ENPP1: variants seen among roughly 807,000 people sequenced by gnomAD.
ENPP1 encodes the protein ectonucleotide pyrophosphatase/phosphodiesterase 1.
In ENPP1, 73 loss-of-function variants were observed where a neutral mutation model predicts 122.8. The ratio of observed to expected loss-of-function variants is 0.59; its 90% CI spans 0.49 to 0.72. The LOEUF is 0.72. Ranked by LOEUF, ENPP1 falls within the 30% of genes least tolerant of loss-of-function variation. The probability of loss-of-function intolerance (pLI) is 0.00; values close to 1 mark genes in which losing one functional copy is unlikely to be tolerated. For missense variants in ENPP1, 978 were observed against 1,128.1 expected, an observed-to-expected ratio of 0.87 and a Z score of 1.91; for synonymous variants, 367 against 391.6, an observed-to-expected ratio of 0.94 and a Z score of 0.74.
intron 1 of ENPP1, among the ~76,000 whole-genome samples, chr6:131,844,258 A>G (rs1402004393): frequency 6.6e-6 from 1 of 152,230 alleles, no homozygotes; most frequent in Non-Finnish European, 1.5e-5. Flanking sequence ...CCACAGTTTA[A>G]TTAAATAAAA....
intron 1 of ENPP1, among the ~76,000 whole-genome samples, chr6:131,839,801 G>C (rs1781718661): frequency 6.6e-6 from 1 of 151,918 alleles, no homozygotes; most frequent in African/African-American, 2.4e-5. Flanking sequence ...AATCATGGCT[G>C]TATAACAGTT....
intron 1 of ENPP1, chr6:131,827,630 T>G (rs1562512195): frequency 5.0e-6 from 3 of 601,020 alleles, no homozygotes; most frequent in Admixed American, 2.5e-5. Flanking sequence ...ACTTTGACTA[T>G]TATCTGCTTC....
At chr6:131,846,187 A>T (rs1225469201) in intron 1 of ENPP1, among the ~76,000 whole-genome samples, 2 of 152,126 alleles carry the variant, frequency 1.3e-5, no homozygotes, top group African/African-American at 4.8e-5. Context: ...ATGAATTCTT[A>T]TAAAAGCCTC....
At chr6:131,888,279 C>T (rs752151978) in intron 24 of ENPP1, among the ~76,000 whole-genome samples, 1 of 146,432 alleles carries the variant, frequency 6.8e-6, no homozygotes, top group Non-Finnish European at 1.5e-5. Context: ...TAAGTCTAAA[C>T]CTGAATCTGC....
Position 131,890,224 on chromosome 6 carries a change from A to G in ENPP1, c.2608-117A>G, listed in dbSNP as rs548746098. Reference sequence around the variant, plus strand: ...GATGATGCCTAACAAATCATGTGGCACGTTCCACTTCAGAGCTGAAATCTC... The same window carrying G: ...GATGATGCCTAACAAATCATGTGGCGCGTTCCACTTCAGAGCTGAAATCTC... On this transcript the variant is annotated intron_variant, in intron 24 of 24. Coordinates refer to ENST00000647893, the MANE Select transcript of ENPP1 (RefSeq NM_006208.3). 1.7e-4 allele frequency: 141 copies of G among 815,330 alleles called. 2 individuals are homozygous for G. The African/African-American group carries it at 1.9e-3, about 11-fold the overall frequency. The allele number at this position is 815,330 out of a possible 1,614,324, so 50.5% of individuals were successfully genotyped here.
chr6:131,888,849 A>G (rs1014116439), intron 24 of ENPP1, among the ~76,000 whole-genome samples: 11 of 152,204 alleles, frequency 7.2e-5, no homozygotes, highest in Non-Finnish European at 2.9e-5. Flanking sequence ...AGGGTTCTGC[A>G]GCAAATAACA....
chr6:131,862,460 A>G (rs779063192), intron 9 of ENPP1, among the ~76,000 whole-genome samples: 3 of 152,214 alleles, frequency 2.0e-5, no homozygotes, highest in Non-Finnish European at 4.4e-5. Context: ...ATGCAGAGCC[A>G]GCTGTGTGGG....
intron 1 of ENPP1, among the ~76,000 whole-genome samples, chr6:131,811,426 A>ATATCTG (rs1562506315): frequency 9.3e-4 from 139 of 149,832 alleles, no homozygotes; most frequent in African/African-American, 3.5e-3. Context: ...ATCTATATCT[A>ATATCTG]TATCTATATA....
At chr6:131,845,040 ATGGT>A (rs1344578154) in intron 1 of ENPP1, among the ~76,000 whole-genome samples, 3 of 116,082 alleles carry the variant, frequency 2.6e-5, no homozygotes, top group African/African-American at 1.1e-4. Flanking sequence ...TCAATTCTTC[ATGGT>A]TTTTTTTTTT....
intron 8 of ENPP1, 45 bp from the exon 9 acceptor site, chr6:131,861,550 G>A: frequency 8.4e-7 from 1 of 1,194,384 alleles, no homozygotes; most frequent in Non-Finnish European, 1.3e-6. Context: ...CCTAAGAGAT[G>A]AATGTTTGCA....
intron 7 of ENPP1, among the ~76,000 whole-genome samples, chr6:131,859,401 T>C (rs1781988304): frequency 6.6e-6 from 1 of 152,102 alleles, no homozygotes; most frequent in South Asian, 2.1e-4. Flanking sequence ...TTTTTTGTTT[T>C]TTTGAGATGG....
At chr6:131,883,943 G>A (rs955246977) in intron 22 of ENPP1, among the ~76,000 whole-genome samples, 169 bp downstream of exon 22, 1 of 152,126 alleles carries the variant, frequency 6.6e-6, no homozygotes, top group Non-Finnish European at 1.5e-5. Context: ...CAAATTATTA[G>A]AATTATCATG....
At chr6:131,881,934 G>A (rs1049053981) in intron 20 of ENPP1, among the ~76,000 whole-genome samples, 10 of 152,044 alleles carry the variant, frequency 6.6e-5, no homozygotes, top group Admixed American at 2.0e-4. Flanking sequence ...CAGGAGAATC[G>A]CTTGAACCTG....
At chr6:131,866,642 C>G (rs1245490268) in intron 11 of ENPP1, among the ~76,000 whole-genome samples, 1 of 152,134 alleles carries the variant, frequency 6.6e-6, no homozygotes, top group Non-Finnish European at 1.5e-5. Context: ...TGTTTTTACC[C>G]TTTGTATTCT....
chr6:131,867,784 T>G lies in ENPP1; in HGVS notation c.1165-234T>G, dbSNP rs75403350. 6.6e-5 allele frequency among the ~76,000 whole-genome samples: 10 copies of G among 152,330 alleles called. No individual in the cohort carries two copies. In the East Asian group the frequency reaches 1.9e-3, roughly 29 times the overall value. Reference sequence around the variant, plus strand: ...GTGTATAGAATTAGGACTCTTGCATTGTTAATGATCTGCAGTTATTTACTG... The same window carrying G: ...GTGTATAGAATTAGGACTCTTGCATGGTTAATGATCTGCAGTTATTTACTG... On this transcript the variant is annotated intron_variant, in intron 11 of 24. Transcript: ENST00000647893.
chr6:131,852,846 A>G (rs1054267773), intron 5 of ENPP1, among the ~76,000 whole-genome samples: 2 of 151,368 alleles, frequency 1.3e-5, no homozygotes, highest in African/African-American at 4.9e-5. Flanking sequence ...ATAACAACCT[A>G]TTTGTGAGAG....
Position 131,874,280 on chromosome 6 carries a change from A to T in ENPP1, c.1578A>T (p.Glu526Asp). ...PQWQLALNPS[E>D]RKYCGSGFHG... Reference sequence around the variant, plus strand: ...ATGTCAACATTAGGAATCCCTCAGAAAGGAAATATTGTGGAAGTGGATTTC... The same window carrying T: ...ATGTCAACATTAGGAATCCCTCAGATAGGAAATATTGTGGAAGTGGATTTC... Residue 526 changes from glutamate to aspartate, a missense_variant, in exon 16 of 25, where the codon GAA becomes GAT. This residue lies in a region of ENPP1 where 644 missense variants were observed against 781.5 expected (regional missense o/e 0.82). Transcript: ENST00000647893. 6.3e-7 allele frequency: 1 copy of T among 1,589,886 alleles called. No homozygotes were observed. Among genetic ancestry groups the T allele is most frequent in the Non-Finnish European group, 8.6e-7 (1 of 1,158,952 alleles).
At chr6:131,872,261 G>A (rs1419381734) in intron 14 of ENPP1, among the ~76,000 whole-genome samples, 160 bp downstream of exon 14, 1 of 151,974 alleles carries the variant, frequency 6.6e-6, no homozygotes, top group Non-Finnish European at 1.5e-5. Flanking sequence ...CTTTAAGGTC[G>A]TATCCCAATA....
chr6:131,827,663 C>G, intron 1 of ENPP1: 1 of 634,374 alleles, frequency 1.6e-6, no homozygotes. Flanking sequence ...TAAATGATGT[C>G]CTTCTGCTCT....
Sources: gnomAD v4.1 joint callset for allele counts (sites outside exome capture counted in the v4.1 genomes callset) on GRCh38, gnomAD v4.1.1 for gene constraint, gnomAD v4.1.1 regional missense constraint, MANE v1.5 for transcripts, NCBI Gene and HGNC (gene_info 2026-07-23, HGNC 2026-07-21) for gene names.